Variants in ARHGAP26 observed in about 807,000 individuals in gnomAD.
ARHGAP26 encodes Rho GTPase activating protein 26.
ARHGAP26 carries 38 observed loss-of-function variants against 104.8 expected under a neutral mutation model. That is an observed-to-expected ratio of 0.36 (90% CI 0.28 to 0.48). The LOEUF (loss-of-function observed/expected upper bound fraction) is 0.48. ARHGAP26 is among the 20% of genes least tolerant of loss of function. ARHGAP26 has a pLI of 0.99. For synonymous variants in ARHGAP26, 341 were observed against 340.0 expected, an observed-to-expected ratio of 1.00 and a Z score of -0.03; for missense variants, 704 against 947.9, an observed-to-expected ratio of 0.74 and a Z score of 3.38.
intron 11 of ARHGAP26, among the ~76,000 whole-genome samples, chr5:142,989,530 G>A (rs907235097): frequency 6.6e-6 from 1 of 152,158 alleles, no homozygotes; most frequent in African/African-American, 2.4e-5. Context: ...GATGTTAGCT[G>A]GTTATTTTGC....
At chr5:142,825,406 C>T (rs1247561495) in intron 1 of ARHGAP26, among the ~76,000 whole-genome samples, 1 of 152,116 alleles carries the variant, frequency 6.6e-6, no homozygotes, top group Admixed American at 6.5e-5. Context: ...GGTGCCCTTC[C>T]TGCTCGAGGT....
chr5:143,165,565 T>C (rs1442385487), intron 20 of ARHGAP26: 2 of 152,380 alleles, frequency 1.3e-5, no homozygotes, highest in Non-Finnish European at 2.9e-5. Context: ...ATCACTTCCT[T>C]TTTAAAATTT....
intron 1 of ARHGAP26, among the ~76,000 whole-genome samples, chr5:142,788,083 C>T (rs1483281382): frequency 6.6e-6 from 1 of 151,366 alleles, no homozygotes; most frequent in Non-Finnish European, 1.5e-5. Flanking sequence ...TCACTGCAAC[C>T]TCTGCCTTCC....
intron 18 of ARHGAP26, among the ~76,000 whole-genome samples, chr5:143,129,331 G>A (rs909485955): frequency 5.9e-5 from 9 of 152,192 alleles, no homozygotes; most frequent in Non-Finnish European, 1.2e-4. Flanking sequence ...TTTGAACACT[G>A]AATGTCAAAC....
At chr5:142,846,883 A>G (rs907644590) in intron 1 of ARHGAP26, among the ~76,000 whole-genome samples, 1 of 152,224 alleles carries the variant, frequency 6.6e-6, no homozygotes, top group African/African-American at 2.4e-5. Flanking sequence ...GGAGGATACC[A>G]TGGGGGGACA....
chr5:143,090,452 C>T (rs182157398), intron 17 of ARHGAP26, among the ~76,000 whole-genome samples: 1 of 152,114 alleles, frequency 6.6e-6, no homozygotes, highest in Admixed American at 6.5e-5. Flanking sequence ...CGATAGCTAT[C>T]TCAGTCGTGT....
In ARHGAP26 at chr5:142,872,135, C is replaced by T. The variant is rs942256989; in HGVS notation, c.155-1265C>T. On this transcript the variant is annotated intron_variant, in intron 1 of 22. Transcript: ENST00000645722. Reference sequence around the variant, plus strand: ...TTGTATCCAGTGCCCCCACTCCCACCGCCCCCCACATTTATTCAGCATACA... The same window carrying T: ...TTGTATCCAGTGCCCCCACTCCCACTGCCCCCCACATTTATTCAGCATACA... Among the ~76,000 whole-genome samples the T allele has an allele frequency of 9.2e-5, 14 of 152,108 alleles. 1 individual carries two copies. Among genetic ancestry groups the T allele is most frequent in the South Asian group, 6.2e-4 (3 of 4,816 alleles).
At chr5:142,984,540 C>T (rs78780040) in intron 11 of ARHGAP26, among the ~76,000 whole-genome samples, 3,552 of 152,200 alleles carry the variant, frequency 0.023, 59 homozygotes, top group Middle Eastern at 0.051. Flanking sequence ...CAGATCTGTG[C>T]ATTCATCTCT....
intron 6 of ARHGAP26, among the ~76,000 whole-genome samples, chr5:142,900,889 C>T (rs1382802826): frequency 6.6e-6 from 1 of 152,040 alleles, no homozygotes; most frequent in Non-Finnish European, 1.5e-5. Flanking sequence ...TGTGGGTCAG[C>T]CTTCAGAAGC....
Position 143,162,274 on chromosome 5 carries a change from A to AACACACAC in ARHGAP26, c.1988+14895_1988+14902dup, listed in dbSNP as rs771590759. Among the ~76,000 whole-genome samples, 45 of 83,716 alleles carry AACACACAC rather than the reference A, an allele frequency of 5.4e-4. No homozygotes were observed. The South Asian group carries it at 5.9e-3, about 11-fold the overall frequency. The allele number at this position is 83,716 out of a possible 152,430, so 54.9% of individuals were successfully genotyped here. A position where few individuals can be genotyped will look rare whatever the true frequency, so the allele number is the denominator to read the frequency against. On this transcript the variant is annotated intron_variant, in intron 20 of 22. Transcript: ENST00000645722. ...AGGAGAAACAGACACTCTACTCCCAAACACACACATACACACACACACACA... is the reference window on the plus strand; with the variant it reads ...AGGAGAAACAGACACTCTACTCCCAAACACACACACACACACATACACACACACACACA...
Position 143,223,599 on chromosome 5 carries a change from G to A in ARHGAP26, c.*1153G>A. 1 of 232,230 alleles carries A rather than the reference G, an allele frequency of 4.3e-6. No homozygotes were observed. The allele number at this position is 232,230 out of a possible 1,614,324, so 14.4% of individuals were successfully genotyped here. The stretch of plus-strand genomic sequence containing the variant: ...GGCCAGCCCCCTTGCCCTACTCTGG[G>A]CTGCTGAACACTGGTGCTGTGGTGG... On this transcript the variant is annotated 3_prime_UTR_variant, in exon 23 of 23. Coordinates refer to ENST00000645722, the MANE Select transcript of ARHGAP26 (RefSeq NM_001135608.3).
At chr5:143,160,865 G>A (rs1801143641) in intron 20 of ARHGAP26, among the ~76,000 whole-genome samples, 1 of 152,148 alleles carries the variant, frequency 6.6e-6, no homozygotes, top group Admixed American at 6.5e-5. Context: ...TCTCCAGGCT[G>A]GCCTCGCCCA....
chr5:143,133,865 C>A, intron 18 of ARHGAP26, 102 bp from the exon 19 acceptor site: 1 of 1,176,222 alleles, frequency 8.5e-7, no homozygotes, highest in Non-Finnish European at 1.1e-6. Context: ...TCTTTTCTTG[C>A]TAATTCCAAG....
chr5:142,895,476 C>T (rs1317055902), intron 6 of ARHGAP26, among the ~76,000 whole-genome samples: 5 of 152,106 alleles, frequency 3.3e-5, no homozygotes, highest in African/African-American at 7.2e-5. Flanking sequence ...GTGATCCGCC[C>T]GCCTCGGCCT....
At chr5:142,813,832 G>A (rs902513234) in intron 1 of ARHGAP26, among the ~76,000 whole-genome samples, 1 of 151,054 alleles carries the variant, frequency 6.6e-6, no homozygotes. Context: ...AGGAATTTTA[G>A]GGGCCTCAAT....
At chr5:143,073,666 G>T (rs1205161902) in intron 17 of ARHGAP26, among the ~76,000 whole-genome samples, 1 of 152,040 alleles carries the variant, frequency 6.6e-6, no homozygotes, top group East Asian at 1.9e-4. Flanking sequence ...AAAATGAAAG[G>T]GATTACTTTT....
intron 11 of ARHGAP26, among the ~76,000 whole-genome samples, chr5:142,948,339 GA>G (rs1466110253): frequency 1.3e-5 from 2 of 151,784 alleles, no homozygotes; most frequent in Admixed American, 1.3e-4. Flanking sequence ...GTGTATATAT[GA>G]ATATGTGTGC....
intron 11 of ARHGAP26, among the ~76,000 whole-genome samples, chr5:142,969,125 G>C (rs1771855620): frequency 6.6e-6 from 1 of 152,064 alleles, no homozygotes; most frequent in Non-Finnish European, 1.5e-5. Context: ...ATTATTTATA[G>C]AGAAGGGGGC....
At chr5:143,108,758 G>C (rs139921203) in intron 17 of ARHGAP26, among the ~76,000 whole-genome samples, 1 of 152,196 alleles carries the variant, frequency 6.6e-6, no homozygotes, top group South Asian at 2.1e-4. Context: ...TTATCAGTCT[G>C]TCCATCTCTC....
Sources: allele counts gnomAD v4.1 joint callset (sites outside exome capture counted in the v4.1 genomes callset), GRCh38; gene constraint gnomAD v4.1.1; transcripts MANE v1.5; gene names NCBI Gene and HGNC (gene_info 2026-07-23, HGNC 2026-07-21).